Variants in COLQ observed in about 807,000 individuals in gnomAD.
The protein encoded by COLQ is acetylcholinesterase collagenic tail peptide.
Under a neutral mutation model 69.0 loss-of-function variants are expected in COLQ, and 48 were observed. The observed-to-expected ratio is 0.70, with a 90% CI of 0.55 to 0.88. The LOEUF (loss-of-function observed/expected upper bound fraction) is 0.88, where lower values mean the gene tolerates loss of function less well. COLQ is among the 40% of genes least tolerant of loss of function. COLQ has a pLI of 0.00. For synonymous variants in COLQ, 217 were observed against 211.2 expected (o/e 1.03, Z -0.24); for missense variants, 618 against 594.6 (o/e 1.04, Z -0.41).
rs371440479 is a variant in COLQ, at chr3:15,489,081, T to C, written c.219+444A>G. 1.4e-4 allele frequency among the ~76,000 whole-genome samples: 21 copies of C among 152,320 alleles called. No homozygotes were observed. The South Asian group carries it at 3.7e-3, about 27-fold the overall frequency. On this transcript the variant is annotated intron_variant, in intron 2 of 16. Transcript: ENST00000383788. ...TTCTGCTCCCTCTCACACCTCAGTG[T>C]GGCTACGGGAGAACTATTTCCTGAG...
At chr3:15,461,921 G>C (rs2062121207) in intron 12 of COLQ, among the ~76,000 whole-genome samples, 2 of 151,766 alleles carry the variant, frequency 1.3e-5, no homozygotes, top group Admixed American at 1.3e-4. Flanking sequence ...GACTGTCAAA[G>C]GTAGTGTCAG....
At position 15,465,610 on chromosome 3, in the gene COLQ, CTTTTT is replaced by C. The variant is rs71045163; in HGVS notation, c.814+726_814+730del. 1.3e-3 allele frequency among the ~76,000 whole-genome samples: 124 copies of C among 94,740 alleles called. 1 individual carries two copies. Among genetic ancestry groups the C allele is most frequent in the Middle Eastern group, 7.7e-3 (1 of 130 alleles). 62.2% of individuals were successfully genotyped at this position (94,740 alleles called of 152,430 possible). ...TTATTTTAGTAATTTCTTTCTACAT[CTTTTT>C]TTTTTTTTTTTTTTTTTGGAGACAG... On this transcript the variant is annotated intron_variant, in intron 12 of 16. Coordinates refer to ENST00000383788, the MANE Select transcript of COLQ (RefSeq NM_005677.4).
At chr3:15,475,027 C>A in intron 7 of COLQ, 76 bp from the exon 8 acceptor site, 1 of 1,492,200 alleles carries the variant, frequency 6.7e-7, no homozygotes, top group Non-Finnish European at 9.4e-7. Flanking sequence ...AGAAGGAATC[C>A]CTGAATGTGG....
chr3:15,475,242 T>A (rs1473853169), intron 7 of COLQ, 183 bp downstream of exon 7: 2 of 680,502 alleles, frequency 2.9e-6, no homozygotes, highest in African/African-American at 3.6e-5. Flanking sequence ...AGGAATGGCA[T>A]CCCTATGCCC....
rs755236236 is a variant in COLQ, at chr3:15,474,953, T to C, written c.529-2A>G. The C allele has an allele frequency of 1.1e-5, 17 of 1,614,050 alleles. No homozygotes were observed. The highest frequency in any genetic ancestry group is 1.4e-5 in the Non-Finnish European group (17 of 1,179,970). ...TTCCCCTCTGGATCCAGGGTAGCCC[T>C]AAAAGAAAGCAGAAGGTACATTTAC... On this transcript the variant is annotated splice_acceptor_variant, in intron 7 of 16. Coordinates refer to ENST00000383788, the MANE Select transcript of COLQ (RefSeq NM_005677.4). LOFTEE classifies it high-confidence loss of function.
At chr3:15,464,776 C>G (rs1012520076) in intron 12 of COLQ, among the ~76,000 whole-genome samples, 2 of 152,182 alleles carry the variant, frequency 1.3e-5, no homozygotes, top group African/African-American at 4.8e-5. Flanking sequence ...AACAAATGAT[C>G]TTCTTGATAC....
chr3:15,492,547 G>T (rs1203922530), intron 1 of COLQ, among the ~76,000 whole-genome samples: 1 of 152,014 alleles, frequency 6.6e-6, no homozygotes, highest in African/African-American at 2.4e-5. Flanking sequence ...GGCGCCTGTA[G>T]TCCCACCTAC....
At chr3:15,519,519 C>T (rs1456961932) in intron 1 of COLQ, among the ~76,000 whole-genome samples, 1 of 152,190 alleles carries the variant, frequency 6.6e-6, no homozygotes, top group Non-Finnish European at 1.5e-5. Flanking sequence ...GCCCCTCTTG[C>T]CTTTTCAAGC....
intron 3 of COLQ, among the ~76,000 whole-genome samples, chr3:15,481,072 G>T (rs1389619633): frequency 1.3e-5 from 2 of 152,104 alleles, no homozygotes; most frequent in Non-Finnish European, 2.9e-5. Flanking sequence ...GTAGATTTTG[G>T]ATATTAGCCC....
intron 1 of COLQ, chr3:15,498,486 C>CACACAT: frequency 1.3e-6 from 2 of 1,538,684 alleles, no homozygotes; most frequent in Non-Finnish European, 1.8e-6. Context: ...CACACACACA[C>CACACAT]GTGCACACAC....
intron 1 of COLQ, among the ~76,000 whole-genome samples, chr3:15,491,875 T>C (rs1218125396): frequency 2.6e-5 from 4 of 151,968 alleles, no homozygotes; most frequent in African/African-American, 7.3e-5. Flanking sequence ...CTGGCCAACA[T>C]GGTGAAACCC....
At chr3:15,491,539 A>C (rs567891954) in intron 1 of COLQ, among the ~76,000 whole-genome samples, 2 of 152,348 alleles carry the variant, frequency 1.3e-5, no homozygotes, top group African/African-American at 4.8e-5. Flanking sequence ...CGGGAATGGT[A>C]GCTCCGTGCA....
chr3:15,489,156 T>C (rs2062623344), intron 2 of COLQ, among the ~76,000 whole-genome samples: 1 of 152,250 alleles, frequency 6.6e-6, no homozygotes, highest in South Asian at 2.1e-4. Flanking sequence ...GAAGGGAATT[T>C]CATAAACACT....
At chr3:15,519,953 A>G (rs1353926047) in intron 1 of COLQ, among the ~76,000 whole-genome samples, 2 of 152,256 alleles carry the variant, frequency 1.3e-5, no homozygotes, top group South Asian at 4.1e-4. Context: ...AAAACAGTAA[A>G]GTACAAGAGA....
chr3:15,489,724 C>A (rs1350756280), intron 1 of COLQ, 87 bp from the exon 2 acceptor site: 7 of 1,107,138 alleles, frequency 6.3e-6, no homozygotes, highest in Non-Finnish European at 6.8e-6. Flanking sequence ...ACCCATCCTG[C>A]CACCCCAGAC....
chr3:15,479,080 A>C, intron 4 of COLQ, 77 bp from the exon 5 acceptor site: 1 of 1,561,758 alleles, frequency 6.4e-7, no homozygotes, highest in Non-Finnish European at 8.8e-7. Flanking sequence ...AGTAGAGCTG[A>C]TGACTGGGCA....
At chr3:15,508,919 G>A (rs2125175153) in intron 1 of COLQ, among the ~76,000 whole-genome samples, 1 of 152,180 alleles carries the variant, frequency 6.6e-6, no homozygotes, top group South Asian at 2.1e-4. Context: ...GGGAGGCTGA[G>A]GCAGGCAGAT....
intron 10 of COLQ, among the ~76,000 whole-genome samples, chr3:15,471,281 G>C (rs764864411): frequency 6.6e-6 from 1 of 152,204 alleles, no homozygotes; most frequent in African/African-American, 2.4e-5. Context: ...AAGGCATGGA[G>C]AACAATGGAA....
intron 5 of COLQ, among the ~76,000 whole-genome samples, chr3:15,478,190 GACC>G (rs72350799): frequency 0.011 from 1,723 of 152,278 alleles, 28 homozygotes; most frequent in African/African-American, 0.039. Flanking sequence ...TTGCCATGGA[GACC>G]ACCCCAGCAC....
Sources: gnomAD v4.1 joint callset for allele counts (sites outside exome capture counted in the v4.1 genomes callset) on GRCh38, gnomAD v4.1.1 for gene constraint, MANE v1.5 for transcripts, NCBI Gene and HGNC (gene_info 2026-07-23, HGNC 2026-07-21) for gene names.